BLM: variants seen among roughly 807,000 people sequenced by gnomAD.
The protein encoded by BLM is BLM RecQ like helicase.
In BLM, 95 loss-of-function variants were observed where a neutral mutation model predicts 135.3. That is an observed-to-expected ratio of 0.70 (90% CI 0.59 to 0.83). BLM has a LOEUF of 0.83. BLM is among the 40% of genes least tolerant of loss of function. The probability of loss-of-function intolerance (pLI) is 0.00; values close to 1 mark genes in which losing one functional copy is unlikely to be tolerated. For synonymous variants in BLM, 520 were observed against 589.2 expected, an observed-to-expected ratio of 0.88 and a Z score of 1.70; for missense variants, 1,518 against 1,663.9, an observed-to-expected ratio of 0.91 and a Z score of 1.53.
At chr15:90,796,886 A>G (rs1395398202) in intron 16 of BLM, among the ~76,000 whole-genome samples, 2 of 152,232 alleles carry the variant, frequency 1.3e-5, no homozygotes, top group African/African-American at 2.4e-5. Flanking sequence ...TCTGAGGTTG[A>G]GGATCAGCAG....
intron 15 of BLM, among the ~76,000 whole-genome samples, chr15:90,791,079 A>T (rs911394977): frequency 6.6e-6 from 1 of 152,170 alleles, no homozygotes; most frequent in Middle Eastern, 3.2e-3. Flanking sequence ...TTTACAAACC[A>T]TGCCTTGTAG....
intron 21 of BLM, among the ~76,000 whole-genome samples, chr15:90,813,899 A>C (rs1897486472): frequency 6.6e-6 from 1 of 152,210 alleles, no homozygotes; most frequent in African/African-American, 2.4e-5. Flanking sequence ...TCACATCTTC[A>C]GAACAACACA....
At chr15:90,756,907 G>A (rs1895833958) in intron 5 of BLM, among the ~76,000 whole-genome samples, 1 of 152,106 alleles carries the variant, frequency 6.6e-6, no homozygotes, top group South Asian at 2.1e-4. Context: ...AACTTCTCTG[G>A]ACTTCAGTTT....
At chr15:90,729,837 T>G (rs1412111579) in intron 1 of BLM, among the ~76,000 whole-genome samples, 1 of 151,746 alleles carries the variant, frequency 6.6e-6, no homozygotes, top group Non-Finnish European at 1.5e-5. Context: ...ACTTAAGATT[T>G]TTATTTTTAT....
intron 1 of BLM, among the ~76,000 whole-genome samples, chr15:90,723,945 A>G (rs1179829267): frequency 3.3e-5 from 5 of 151,802 alleles, no homozygotes; most frequent in Non-Finnish European, 5.9e-5. Context: ...AATGGCTTCA[A>G]GGTTCATCTG....
chr15:90,782,607 C>T (rs1040217525), intron 12 of BLM, among the ~76,000 whole-genome samples: 14 of 152,160 alleles, frequency 9.2e-5, no homozygotes, highest in South Asian at 4.2e-4. Context: ...CTGACATATG[C>T]GGGTGGGGAG....
At chr15:90,811,516 A>G (rs1262419686) in intron 21 of BLM, 110 bp downstream of exon 21, 1 of 1,186,814 alleles carries the variant, frequency 8.4e-7, no homozygotes, top group East Asian at 2.5e-5. Context: ...ATTATTAAAT[A>G]TTGCTAATGG....
intron 12 of BLM, among the ~76,000 whole-genome samples, chr15:90,772,204 C>T (rs992705769): frequency 3.3e-5 from 5 of 152,172 alleles, no homozygotes; most frequent in Non-Finnish European, 4.4e-5. Flanking sequence ...GCTGCTATGT[C>T]GTGGCCCTGG....
intron 12 of BLM, among the ~76,000 whole-genome samples, chr15:90,781,818 T>C (rs982934377): frequency 3.3e-5 from 5 of 152,164 alleles, no homozygotes; most frequent in African/African-American, 1.2e-4. Flanking sequence ...GGAACATTGA[T>C]GGCCTAAAAA....
chr15:90,815,013 T>G lies in BLM; in HGVS notation c.4077-89T>G. 1 of 1,324,468 alleles carries G rather than the reference T, an allele frequency of 7.6e-7. No homozygotes were observed. The highest frequency in any genetic ancestry group is 1.1e-6 in the Non-Finnish European group (1 of 935,560). The allele number at this position is 1,324,468 out of a possible 1,614,324, so 82.0% of individuals were successfully genotyped here. A position where few individuals can be genotyped will look rare whatever the true frequency, so the allele number is the denominator to read the frequency against. On this transcript the variant is annotated intron_variant, in intron 21 of 21. Transcript: ENST00000355112. The surrounding 1 kb of genome is among the most constrained non-coding windows in gnomAD (Gnocchi z 4.6). ...CAAGGACACATTAGGCCCAGGGAAG[T>G]GGTATTGTAGCTCTGTGCAGGTTGA...
At chr15:90,732,766 G>A (rs1291762299) in intron 1 of BLM, among the ~76,000 whole-genome samples, 11 of 152,220 alleles carry the variant, frequency 7.2e-5, no homozygotes, top group African/African-American at 2.6e-4. Context: ...AGAGAAATTA[G>A]TAAGAGAACA....
chr15:90,804,922 C>T lies in BLM; in HGVS notation c.3751+563C>T, dbSNP rs192466743. Among the ~76,000 whole-genome samples the T allele has an allele frequency of 1.1e-3, 161 of 152,224 alleles. 2 individuals carry two copies. Among genetic ancestry groups the T allele is most frequent in the Admixed American group, 9.0e-3 (138 of 15,286 alleles). On this transcript the variant is annotated intron_variant, in intron 19 of 21. Transcript: ENST00000355112. ...CGCGATCTCAGCTCATCACAACCTC[C>T]GCCTCCCAGGTTCAAGCGATTCTTC... is the stretch of plus-strand genomic sequence containing the variant.
intron 2 of BLM, among the ~76,000 whole-genome samples, chr15:90,748,572 CT>C (rs1359149533): frequency 1.3e-5 from 2 of 152,074 alleles, no homozygotes; most frequent in Non-Finnish European, 2.9e-5. Context: ...AGACTTTGTT[CT>C]GGGTGCCTGG....
intron 17 of BLM, among the ~76,000 whole-genome samples, chr15:90,803,186 A>C (rs1387759742): frequency 6.6e-6 from 1 of 151,614 alleles, no homozygotes; most frequent in Admixed American, 6.6e-5. Context: ...AAAAATGTAG[A>C]TAAGTAATGC....
chr15:90,811,175 CCT>C (rs1897405548), intron 20 of BLM, 28 bp from the exon 21 acceptor site: 1 of 1,610,308 alleles, frequency 6.2e-7, no homozygotes, highest in Non-Finnish European at 8.5e-7. Flanking sequence ...TGCGACATCA[CCT>C]GTAAACATCT....
intron 1 of BLM, among the ~76,000 whole-genome samples, chr15:90,731,050 C>T (rs1293495058): frequency 3.9e-5 from 6 of 152,010 alleles, no homozygotes; most frequent in African/African-American, 1.5e-4. Context: ...AGTCATCCTC[C>T]CATCTCAGCT....
chr15:90,741,702 T>G (rs1172282793), intron 1 of BLM, among the ~76,000 whole-genome samples: 2 of 152,230 alleles, frequency 1.3e-5, no homozygotes, highest in African/African-American at 2.4e-5. Context: ...TTGTTATGAC[T>G]GATTTTCTTT....
At chr15:90,726,210 C>G (rs1199668744) in intron 1 of BLM, among the ~76,000 whole-genome samples, 1 of 152,158 alleles carries the variant, frequency 6.6e-6, no homozygotes, top group Non-Finnish European at 1.5e-5. Flanking sequence ...CTGTAGTCAT[C>G]CTGTAGTGCT....
At chr15:90,777,464 T>C (rs1312561751) in intron 12 of BLM, among the ~76,000 whole-genome samples, 3 of 152,164 alleles carry the variant, frequency 2.0e-5, no homozygotes, top group Admixed American at 2.0e-4. Context: ...CATTTTTCAA[T>C]TCACATAAAC....
Sources: allele counts gnomAD v4.1 joint callset (sites outside exome capture counted in the v4.1 genomes callset), GRCh38; gene constraint gnomAD v4.1.1; non-coding constraint Gnocchi (gnomAD v3.1); transcripts MANE v1.5; gene names NCBI Gene and HGNC (gene_info 2026-07-23, HGNC 2026-07-21).